The following STEAP1B variants were observed in gnomAD, a reference collection of about 807,000 sequenced individuals.
The protein encoded by STEAP1B is STEAP family member 1B, also known as STEAP family protein MGC87042.
Under a neutral mutation model 27.9 loss-of-function variants are expected in STEAP1B, and 13 were observed. That is an observed-to-expected ratio of 0.47 (90% CI 0.30 to 0.74). The LOEUF is 0.74. STEAP1B is among the 30% of genes least tolerant of loss of function. The pLI, the probability that STEAP1B is intolerant of heterozygous loss-of-function variation, is 0.06. For synonymous variants in STEAP1B, 86 were observed against 107.1 expected (o/e 0.80, Z 1.22); for missense variants, 250 against 298.7 (o/e 0.84, Z 1.20).
intron 4 of STEAP1B, among the ~76,000 whole-genome samples, chr7:22,488,062 A>C (rs571935556): frequency 6.6e-6 from 1 of 152,222 alleles, no homozygotes; most frequent in Admixed American, 6.5e-5. Flanking sequence ...GCCACCCCAG[A>C]AACTGCTGTG....
chr7:22,444,160 T>C (rs896565824), intron 4 of STEAP1B, among the ~76,000 whole-genome samples: 1 of 152,216 alleles, frequency 6.6e-6, no homozygotes, highest in African/African-American at 2.4e-5. Flanking sequence ...ATCCTCATCC[T>C]AGGACAAAGA....
chr7:22,434,467 T>C (rs765620414), intron 4 of STEAP1B, among the ~76,000 whole-genome samples: 1 of 152,228 alleles, frequency 6.6e-6, no homozygotes, highest in African/African-American at 2.4e-5. Context: ...TATGTAATTC[T>C]TGAATGTTTC....
chr7:22,492,306 G>A (rs1196738359), intron 4 of STEAP1B: 8 of 140,368 alleles, frequency 5.7e-5, no homozygotes, highest in African/African-American at 1.4e-4. Context: ...GCAACAGAGC[G>A]AGACTTCATC....
At chr7:22,426,460 C>T (rs1203608017) in intron 4 of STEAP1B, among the ~76,000 whole-genome samples, 1 of 152,078 alleles carries the variant, frequency 6.6e-6, no homozygotes, top group Admixed American at 6.6e-5. Context: ...GGCCTTGGGC[C>T]CTTGAGGGTA....
rs368014125 is a variant in STEAP1B at position 22,419,832 on chromosome 7, T to A, written c.767A>T (p.His256Leu). 2 of 1,549,940 alleles carry A rather than the reference T, an allele frequency of 1.3e-6. No individual in the cohort carries two copies. The highest frequency in any genetic ancestry group is 3.9e-5 in the Admixed American group (2 of 50,780). ...TWREFHYIQVHGRINFLTL is the reference protein window; with the variant it reads ...TWREFHYIQVLGRINFLTL Reference sequence around the variant, plus strand: ...CAAGGTCAGGAAGTTGATCCTACCATGTACCTGGAAGGCAGACAGCAAGAA... The same window carrying A: ...CAAGGTCAGGAAGTTGATCCTACCAAGTACCTGGAAGGCAGACAGCAAGAA... The change falls in exon 5 of 5, where the codon CAT (histidine) becomes CTT (leucine). Residue 256 changes from histidine (H) to leucine (L), a missense_variant. Transcript: ENST00000678116.
At chr7:22,470,914 T>C (rs1785870561) in intron 4 of STEAP1B, among the ~76,000 whole-genome samples, 1 of 152,126 alleles carries the variant, frequency 6.6e-6, no homozygotes, top group Admixed American at 6.5e-5. Flanking sequence ...TTCACCCTCA[T>C]AATCCCTTAC....
At chr7:22,457,230 T>G (rs761768720) in intron 4 of STEAP1B, among the ~76,000 whole-genome samples, 2 of 151,874 alleles carry the variant, frequency 1.3e-5, no homozygotes, top group Non-Finnish European at 2.9e-5. Context: ...TGTCTTTCAC[T>G]GTAAACAGAA....
chr7:22,497,755 T>C (rs1786466825), intron 1 of STEAP1B, among the ~76,000 whole-genome samples: 2 of 152,136 alleles, frequency 1.3e-5, no homozygotes, highest in South Asian at 4.1e-4. Context: ...AGAAAGGAGA[T>C]TTAATTGGCT....
chr7:22,478,916 G>C (rs937432119), intron 4 of STEAP1B, among the ~76,000 whole-genome samples: 3 of 152,162 alleles, frequency 2.0e-5, no homozygotes, highest in Non-Finnish European at 2.9e-5. Flanking sequence ...GGGGAACCGT[G>C]GAAGGAAGAG....
intron 4 of STEAP1B, among the ~76,000 whole-genome samples, chr7:22,449,788 C>G (rs1447792838): frequency 6.6e-6 from 1 of 152,182 alleles, no homozygotes; most frequent in African/African-American, 2.4e-5. Flanking sequence ...TGCTTTTCTC[C>G]GTATCTTTGC....
chr7:22,473,274 C>T (rs974378562), intron 4 of STEAP1B, among the ~76,000 whole-genome samples: 2 of 152,132 alleles, frequency 1.3e-5, no homozygotes, highest in Non-Finnish European at 2.9e-5. Flanking sequence ...TCTAGTTGAT[C>T]AAGGATTACA....
At chr7:22,492,761 G>A in intron 3 of STEAP1B, 32 bp from the exon 4 acceptor site, 2 of 1,566,890 alleles carry the variant, frequency 1.3e-6, no homozygotes, top group South Asian at 1.2e-5. Flanking sequence ...AAGAAGAAAT[G>A]CAAACAACAG....
intron 4 of STEAP1B, among the ~76,000 whole-genome samples, chr7:22,461,123 G>A (rs1001776499): frequency 3.3e-5 from 5 of 152,152 alleles, no homozygotes; most frequent in African/African-American, 1.2e-4. Context: ...TCAAGGAACT[G>A]CTTACCACTC....
At chr7:22,454,613 C>A (rs1250275679) in intron 4 of STEAP1B, among the ~76,000 whole-genome samples, 1 of 151,968 alleles carries the variant, frequency 6.6e-6, no homozygotes, top group Non-Finnish European at 1.5e-5. Context: ...GCTGGAGAGG[C>A]TGCACATGCT....
chr7:22,483,624 T>A (rs1194735283), intron 4 of STEAP1B, among the ~76,000 whole-genome samples: 1 of 152,230 alleles, frequency 6.6e-6, no homozygotes, highest in East Asian at 1.9e-4. Flanking sequence ...TTTTTCATTA[T>A]CATTATTGTA....
chr7:22,438,580 G>T (rs2128401392), intron 4 of STEAP1B: 3 of 1,552,160 alleles, frequency 1.9e-6, no homozygotes, highest in Non-Finnish European at 2.6e-6. Flanking sequence ...ATTTCCCTTT[G>T]AAGGGCTGGC....
intron 4 of STEAP1B, chr7:22,438,391 G>C: frequency 7.6e-7 from 1 of 1,317,870 alleles, no homozygotes; most frequent in Non-Finnish European, 1.0e-6. Context: ...AGTAAGTTTG[G>C]TAGATGTCCA....
intron 4 of STEAP1B, among the ~76,000 whole-genome samples, chr7:22,454,726 G>A (rs1785544006): frequency 6.9e-6 from 1 of 143,962 alleles, no homozygotes; most frequent in African/African-American, 2.6e-5. Flanking sequence ...AGGAGCCTGG[G>A]GAGTAAGCAC....
intron 1 of STEAP1B, among the ~76,000 whole-genome samples, chr7:22,496,716 G>A (rs1295515171): frequency 6.6e-6 from 1 of 152,140 alleles, no homozygotes; most frequent in Admixed American, 6.5e-5. Flanking sequence ...GTATGTAGGA[G>A]GCTGTACCAT....
Sources: allele counts gnomAD v4.1 joint callset (sites outside exome capture counted in the v4.1 genomes callset), GRCh38; gene constraint gnomAD v4.1.1; transcripts MANE v1.5; gene names NCBI Gene and HGNC (gene_info 2026-07-23, HGNC 2026-07-21).